Variants in GRM1 observed in about 807,000 individuals in gnomAD.
GRM1 encodes metabotropic glutamate receptor 1.
Under a neutral mutation model 90.9 loss-of-function variants are expected in GRM1, and 33 were observed. That is an observed-to-expected ratio of 0.36 (90% CI 0.28 to 0.49). GRM1 has a LOEUF of 0.49. Among genes scored for constraint, GRM1 ranks in the 20% least tolerant of loss-of-function variants. GRM1 has a pLI of 0.99. For missense variants in GRM1, 1,190 were observed against 1,534.3 expected (o/e 0.78, Z 3.75); for synonymous variants, 700 against 613.2 (o/e 1.14, Z -2.09).
rs1429817364 is a variant in GRM1, at chr6:146,434,243, A to G, written c.3032A>G (p.Lys1011Arg). 1.2e-6 allele frequency: 2 copies of G among 1,603,690 alleles called. No homozygotes were observed. Among genetic ancestry groups the G allele is most frequent in the Non-Finnish European group, 1.7e-6 (2 of 1,173,566 alleles). The change falls in exon 8 of 8, where the codon AAG becomes AGG. Residue 1011 changes from lysine (K) to arginine (R), a missense_variant. Coordinates refer to ENST00000282753, the MANE Select transcript of GRM1 (RefSeq NM_001278064.2). The stretch of plus-strand genomic sequence containing the variant: ...TTCCTGGCCGAACCAGCCCTCCCCA[A>G]GGGCTTGCCCCCTCCTCTCCAGCAG... ...PLFLAEPALP[K>R]GLPPPLQQQQ...
At chr6:146,413,314 T>C (rs968241318) in intron 7 of GRM1, among the ~76,000 whole-genome samples, 4 of 152,166 alleles carry the variant, frequency 2.6e-5, no homozygotes, top group Non-Finnish European at 5.9e-5. Flanking sequence ...ATTTTTCTTT[T>C]TCTATAAAGT....
At position 146,031,076 on chromosome 6, in the gene GRM1, C is replaced by T. The variant is rs182016255; in HGVS notation, c.700+859C>T. On this transcript the variant is annotated intron_variant, in intron 1 of 7. Transcript: ENST00000282753. ...TCTTTCTAAAATGCAATAGATTAAC[C>T]TAAGGTTAAAAGCTTTGATTTTTCC... is the stretch of plus-strand genomic sequence containing the variant. Among the ~76,000 whole-genome samples the T allele has an allele frequency of 2.6e-5, 4 of 152,194 alleles. No homozygotes were observed. In the East Asian group the frequency reaches 7.7e-4, roughly 29 times the overall value.
In GRM1 at chr6:146,029,449, C is replaced by A; in HGVS notation, c.-69C>A. ...CGGCGCTGGGCGTCTTGGGGGTGCG[C>A]GCCGGGAGCCTGCAGCGGGACCAGC... On this transcript the variant is annotated 5_prime_UTR_variant, in exon 1 of 8. Transcript: ENST00000282753. 5 of 1,271,050 alleles carry A rather than the reference C, an allele frequency of 3.9e-6. No individual in the cohort carries two copies. The highest frequency in any genetic ancestry group is 5.8e-6 in the Non-Finnish European group (5 of 868,310). The allele number at this position is 1,271,050 out of a possible 1,614,324, so 78.7% of individuals were successfully genotyped here.
chr6:146,310,316 A>C (rs185311129), intron 3 of GRM1, among the ~76,000 whole-genome samples: 2 of 152,218 alleles, frequency 1.3e-5, no homozygotes, highest in Admixed American at 1.3e-4. Flanking sequence ...ATAAGGCCAG[A>C]TAAGATCAGT....
chr6:146,147,259 G>A (rs1021369085), intron 1 of GRM1, among the ~76,000 whole-genome samples: 1 of 152,180 alleles, frequency 6.6e-6, no homozygotes, highest in Non-Finnish European at 1.5e-5. Flanking sequence ...CGTGTTGTAG[G>A]TAAATAATTA....
chr6:146,196,208 A>G (rs1398808827), intron 2 of GRM1, among the ~76,000 whole-genome samples: 3 of 151,888 alleles, frequency 2.0e-5, no homozygotes, highest in Non-Finnish European at 2.9e-5. Context: ...TGAAAATTGG[A>G]TGTCATAACC....
At chr6:146,149,276 G>C (rs1389442881) in intron 1 of GRM1, among the ~76,000 whole-genome samples, 1 of 152,186 alleles carries the variant, frequency 6.6e-6, no homozygotes, top group Admixed American at 6.5e-5. Flanking sequence ...CTTTGTGCAA[G>C]TGTGGCAGAA....
intron 2 of GRM1, among the ~76,000 whole-genome samples, chr6:146,299,344 C>T (rs1289071033): frequency 5.3e-5 from 8 of 151,930 alleles, no homozygotes. Flanking sequence ...GGATGCTAAA[C>T]AGTGAGAATT....
At chr6:146,047,359 G>A (rs564600750) in intron 1 of GRM1, among the ~76,000 whole-genome samples, 1 of 151,936 alleles carries the variant, frequency 6.6e-6, no homozygotes, top group Non-Finnish European at 1.5e-5. Context: ...TTCTTTGTTT[G>A]TCTAGAAAAA....
intron 7 of GRM1, among the ~76,000 whole-genome samples, chr6:146,408,092 G>T (rs781685224): frequency 6.6e-6 from 1 of 152,092 alleles, no homozygotes; most frequent in Non-Finnish European, 1.5e-5. Context: ...GTCCTAGTGA[G>T]GGTCCTCTTC....
intron 7 of GRM1, chr6:146,426,734 T>G: frequency 1.5e-6 from 1 of 685,500 alleles, no homozygotes; most frequent in Non-Finnish European, 2.7e-6. Flanking sequence ...ACAGATGTGG[T>G]GCATGCCATC....
At position 146,401,332 on chromosome 6, in the gene GRM1, G is replaced by GT. The variant is rs1022884422; in HGVS notation, c.2660+1641dup. 2.7e-3 allele frequency among the ~76,000 whole-genome samples: 416 copies of GT among 151,660 alleles called. 3 individuals carry two copies. The highest frequency in any genetic ancestry group is 9.8e-3 in the African/African-American group (404 of 41,354). ...TTAGCCTTTTTTTTCCTCTTACCAT[G>GT]TTTTTTTTATTCTAGCCAAACTCCC... is the stretch of plus-strand genomic sequence containing the variant. On this transcript the variant is annotated intron_variant, in intron 7 of 7. Transcript: ENST00000282753.
At chr6:146,303,847 C>T (rs1783479469) in intron 2 of GRM1, among the ~76,000 whole-genome samples, 1 of 152,130 alleles carries the variant, frequency 6.6e-6, no homozygotes, top group African/African-American at 2.4e-5. Flanking sequence ...TTGATACCCT[C>T]ATAGGCCTGG....
intron 1 of GRM1, among the ~76,000 whole-genome samples, chr6:146,085,204 C>A (rs1776499325): frequency 1.3e-5 from 2 of 151,772 alleles, no homozygotes; most frequent in African/African-American, 2.4e-5. Flanking sequence ...ATAAAAATAT[C>A]ATAATATTTT....
At chr6:146,380,009 C>T (rs760002419) in intron 5 of GRM1, among the ~76,000 whole-genome samples, 9 of 151,974 alleles carry the variant, frequency 5.9e-5, no homozygotes, top group Non-Finnish European at 1.2e-4. Context: ...TGGAGTGACA[C>T]AAGTGCCCTT....
intron 3 of GRM1, among the ~76,000 whole-genome samples, chr6:146,305,828 C>T (rs1021716495): frequency 3.3e-5 from 5 of 152,130 alleles, no homozygotes; most frequent in South Asian, 2.1e-4. Context: ...GATAGAGAAG[C>T]GTATAATCCA....
intron 2 of GRM1, among the ~76,000 whole-genome samples, chr6:146,233,561 A>G (rs1780519307): frequency 6.6e-6 from 1 of 152,008 alleles, no homozygotes; most frequent in Non-Finnish European, 1.5e-5. Flanking sequence ...TTGGCTCATG[A>G]GTTATTTAAA....
At chr6:146,385,437 C>T (rs1258002051) in intron 5 of GRM1, among the ~76,000 whole-genome samples, 1 of 151,834 alleles carries the variant, frequency 6.6e-6, no homozygotes, top group East Asian at 1.9e-4. Flanking sequence ...ATACGGTCAA[C>T]TTAAACTTCC....
intron 2 of GRM1, among the ~76,000 whole-genome samples, chr6:146,163,702 T>C (rs1777814108): frequency 6.6e-6 from 1 of 152,218 alleles, no homozygotes; most frequent in African/African-American, 2.4e-5. Context: ...AGTTTCCTTT[T>C]AACTTGCTCT....
Sources: gnomAD v4.1 joint callset for allele counts (sites outside exome capture counted in the v4.1 genomes callset) on GRCh38, gnomAD v4.1.1 for gene constraint, MANE v1.5 for transcripts, NCBI Gene and HGNC (gene_info 2026-07-23, HGNC 2026-07-21) for gene names.